LRRC72: variants seen among roughly 807,000 people sequenced by gnomAD.
The protein encoded by LRRC72 is leucine rich repeat containing 72.
LRRC72 carries 41 observed loss-of-function variants against 35.8 expected under a neutral mutation model. The ratio of observed to expected loss-of-function variants is 1.15; its 90% CI spans 0.89 to 1.49. LRRC72 has a LOEUF of 1.49. LRRC72 is among the 40% of genes most tolerant of loss of function. The pLI is 0.00. For missense variants in LRRC72, 389 were observed against 330.7 expected, an observed-to-expected ratio of 1.18 and a Z score of -1.37; for synonymous variants, 118 against 119.2, an observed-to-expected ratio of 0.99 and a Z score of 0.07.
At chr7:16,570,205 T>G (rs1206272917) in intron 7 of LRRC72, among the ~76,000 whole-genome samples, 1 of 152,198 alleles carries the variant, frequency 6.6e-6, no homozygotes, top group Non-Finnish European at 1.5e-5. Flanking sequence ...AGTGATAAAC[T>G]TGGTCATAGA....
intron 2 of LRRC72, among the ~76,000 whole-genome samples, chr7:16,534,342 A>T (rs1782216868): frequency 6.6e-6 from 1 of 152,238 alleles, no homozygotes; most frequent in African/African-American, 2.4e-5. Flanking sequence ...GATTTAGGAC[A>T]GGTTTATGTG....
rs73076802 is a variant in LRRC72, at chr7:16,534,716, C to T, written c.164+2148C>T. Reference sequence around the variant, plus strand: ...AATCCTCTGAGTGGGGCATGAGATACTCTGATGTAGCCATGTAATGATTTC... The same window carrying T: ...AATCCTCTGAGTGGGGCATGAGATATTCTGATGTAGCCATGTAATGATTTC... On this transcript the variant is annotated intron_variant, in intron 2 of 8. Transcript: ENST00000401542. 8.7e-3 allele frequency among the ~76,000 whole-genome samples: 1,326 copies of T among 152,108 alleles called. 8 individuals carry two copies. The highest frequency in any genetic ancestry group is 0.012 in the Non-Finnish European group (796 of 67,988).
intron 6 of LRRC72, 135 bp from the exon 7 acceptor site, chr7:16,567,256 A>T (rs970379327): frequency 1.6e-6 from 1 of 635,180 alleles, no homozygotes; most frequent in Non-Finnish European, 2.5e-6. Flanking sequence ...TAGCCCCTTT[A>T]CAAAACAGTT....
At chr7:16,536,556 C>A (rs1424488433) in intron 2 of LRRC72, among the ~76,000 whole-genome samples, 1 of 151,340 alleles carries the variant, frequency 6.6e-6, no homozygotes, top group Non-Finnish European at 1.5e-5. Flanking sequence ...GAGCATGTGA[C>A]AATATGTTAA....
intron 7 of LRRC72, among the ~76,000 whole-genome samples, chr7:16,570,028 T>C (rs1276461250): frequency 6.7e-6 from 1 of 149,064 alleles, no homozygotes; most frequent in Non-Finnish European, 1.5e-5. Context: ...AGATTCCTTC[T>C]CAAAAAAGAA....
At chr7:16,527,470 G>A (rs1470382602) in intron 1 of LRRC72, among the ~76,000 whole-genome samples, 1 of 152,080 alleles carries the variant, frequency 6.6e-6, no homozygotes, top group African/African-American at 2.4e-5. Flanking sequence ...GTGTGTGTGT[G>A]TGGATGTGGG....
At chr7:16,529,113 C>A (rs1199511810) in intron 1 of LRRC72, among the ~76,000 whole-genome samples, 1 of 152,170 alleles carries the variant, frequency 6.6e-6, no homozygotes, top group African/African-American at 2.4e-5. Flanking sequence ...ATTAAGTACA[C>A]ACTTCTGAGC....
At chr7:16,574,766 C>T (rs1475738366) in intron 7 of LRRC72, among the ~76,000 whole-genome samples, 1 of 151,748 alleles carries the variant, frequency 6.6e-6, no homozygotes, top group Non-Finnish European at 1.5e-5. Context: ...CCTGCACGTC[C>T]TGCACATATA....
At chr7:16,560,025 C>T (rs891048619) in intron 5 of LRRC72, among the ~76,000 whole-genome samples, 1 of 152,026 alleles carries the variant, frequency 6.6e-6, no homozygotes, top group Non-Finnish European at 1.5e-5. Flanking sequence ...AAATAATACA[C>T]CACTCCTACT....
intron 4 of LRRC72, among the ~76,000 whole-genome samples, chr7:16,557,890 C>T (rs1782677681): frequency 6.6e-6 from 1 of 152,102 alleles, no homozygotes; most frequent in Non-Finnish European, 1.5e-5. Flanking sequence ...TGTGGCATAC[C>T]ATGATCATGA....
At chr7:16,572,036 T>G (rs1782955227) in intron 7 of LRRC72, among the ~76,000 whole-genome samples, 2 of 152,188 alleles carry the variant, frequency 1.3e-5, no homozygotes, top group African/African-American at 4.8e-5. Context: ...AAACAGAAGC[T>G]TGAGTAGGTG....
chr7:16,560,950 TATG>T (rs1251447555), intron 5 of LRRC72, among the ~76,000 whole-genome samples: 22 of 152,308 alleles, frequency 1.4e-4, no homozygotes, highest in African/African-American at 5.3e-4. Context: ...TACAGCATCC[TATG>T]ATGTGATTAG....
intron 5 of LRRC72, among the ~76,000 whole-genome samples, chr7:16,564,644 A>G (rs1168316073): frequency 1.3e-5 from 2 of 151,238 alleles, no homozygotes; most frequent in Non-Finnish European, 2.9e-5. Flanking sequence ...ACTTTTGTTT[A>G]TTATGTACCA....
chr7:16,557,373 C>A lies in LRRC72; in HGVS notation c.248C>A (p.Thr83Lys). The change falls in exon 4 of 9, where the codon ACA (threonine) becomes AAA (lysine). Residue 83 changes from threonine (T) to lysine (K), a missense_variant. Thr to Lys is a moderately conservative substitution (Grantham distance 78). Transcript: ENST00000401542. ...TCTCATTTTTAGCTCCATGGAATAA[C>A]ATTTCTAACTAGAAACTATTGTCTG... ...WLHHNKLHGITFLTRNYCLTE... is the reference protein window; with the variant it reads ...WLHHNKLHGIKFLTRNYCLTE... 1 of 1,305,822 alleles carries A rather than the reference C, an allele frequency of 7.7e-7. No homozygotes were observed. The highest frequency in any genetic ancestry group is 1.0e-6 in the Non-Finnish European group (1 of 992,258). 80.9% of individuals were successfully genotyped at this position (1,305,822 alleles called of 1,614,324 possible).
At chr7:16,574,201 G>A (rs1782998316) in intron 7 of LRRC72, among the ~76,000 whole-genome samples, 1 of 152,182 alleles carries the variant, frequency 6.6e-6, no homozygotes, top group Admixed American at 6.5e-5. Context: ...CACTCTTGGG[G>A]CAGTGTAAAT....
intron 3 of LRRC72, among the ~76,000 whole-genome samples, chr7:16,550,069 A>G (rs1314321679): frequency 2.0e-5 from 3 of 152,034 alleles, no homozygotes; most frequent in East Asian, 1.9e-4. Flanking sequence ...AATTTTTTAA[A>G]TTAGTCATGT....
chr7:16,558,363 G>C (rs11762040), intron 4 of LRRC72, among the ~76,000 whole-genome samples: 68,621 of 152,070 alleles, frequency 0.45, 16,058 homozygotes, highest in African/African-American at 0.54. Flanking sequence ...AATCCCAGCA[G>C]TTTGGGAGGC....
chr7:16,533,940 C>T lies in LRRC72; in HGVS notation c.164+1372C>T, dbSNP rs1415037539. On this transcript the variant is annotated intron_variant, in intron 2 of 8. Transcript: ENST00000401542. ...ATTTTGACAATTGTATACTATTGAT[C>T]ACTACAGTAAGTAGATAATAAGAGT... Among the ~76,000 whole-genome samples, 8 of 152,058 alleles carry T rather than the reference C, an allele frequency of 5.3e-5. No individual in the cohort carries two copies. In the East Asian group the frequency reaches 1.5e-3, roughly 29 times the overall value.
In LRRC72 at chr7:16,566,175, G is replaced by C. The variant is rs1043867356; in HGVS notation, c.428-138G>C. 27 of 506,448 alleles carry C rather than the reference G, an allele frequency of 5.3e-5. No homozygotes were observed. In the Admixed American group the frequency reaches 5.4e-4, roughly 10 times the overall value. The allele number at this position is 506,448 out of a possible 1,614,324, so 31.4% of individuals were successfully genotyped here. The stretch of plus-strand genomic sequence containing the variant: ...TGGTGCTCTAAGTAAAGGTTTAATG[G>C]GTCTATTGCTTGATATGGAGAAGAG... On this transcript the variant is annotated intron_variant, in intron 5 of 8. Coordinates refer to ENST00000401542, the MANE Select transcript of LRRC72 (RefSeq NM_001195280.2).
Sources: gnomAD v4.1 joint callset for allele counts (sites outside exome capture counted in the v4.1 genomes callset) on GRCh38, gnomAD v4.1.1 for gene constraint, MANE v1.5 for transcripts, NCBI Gene and HGNC (gene_info 2026-07-23, HGNC 2026-07-21) for gene names.